Variants in NIN observed in about 807,000 individuals in gnomAD.
NIN encodes the protein ninein, also known as glycogen synthase kinase 3 beta-interacting protein.
NIN carries 137 observed loss-of-function variants against 257.6 expected under a neutral mutation model. That is an observed-to-expected ratio of 0.53 (90% CI 0.46 to 0.61). NIN has a LOEUF of 0.61. Ranked by LOEUF, NIN falls within the 20% of genes least tolerant of loss-of-function variation. NIN has a pLI of 0.00. For missense variants in NIN, 2,439 were observed against 2,501.2 expected, an observed-to-expected ratio of 0.98 and a Z score of 0.53; for synonymous variants, 918 against 919.8, an observed-to-expected ratio of 1.00 and a Z score of 0.04.
At position 50,766,734 on chromosome 14, in the gene NIN, C is replaced by T. The variant is rs2042503613; in HGVS notation, c.1545+46G>A. 5 of 1,340,270 alleles carry T rather than the reference C, an allele frequency of 3.7e-6. No individual in the cohort carries two copies. The African/African-American group carries it at 4.3e-5, about 12-fold the overall frequency. 83.0% of individuals were successfully genotyped at this position (1,340,270 alleles called of 1,614,324 possible). On this transcript the variant is annotated intron_variant, in intron 13 of 30. Transcript: ENST00000530997. ...TGCTCCTGTTCTTTTGAGTAAACTA[C>T]ATAAAGTAGGCTGCCTATCAGGAAA...
Position 50,743,536 on chromosome 14 carries a change from C to G in NIN, c.5188-7G>C. ...AAAGACTTGATTTTGCCAACTGTTT[C>G]AGGAAGGGAAAAAGAGGTAAGAGGG... is the stretch of plus-strand genomic sequence containing the variant. On this transcript the variant is annotated splice_region_variant and splice_polypyrimidine_tract_variant and intron_variant, in intron 23 of 30. Transcript: ENST00000530997. 6.3e-7 allele frequency: 1 copy of G among 1,595,278 alleles called. No individual in the cohort carries two copies. The highest frequency in any genetic ancestry group is 8.6e-7 in the Non-Finnish European group (1 of 1,163,236).
chr14:50,754,554 T>C lies in NIN; in HGVS notation c.4734+9A>G. On this transcript the variant is annotated intron_variant, in intron 20 of 30. Transcript: ENST00000530997. Reference sequence around the variant, plus strand: ...AAAAAACATTGAGAAATATTAAGTATTTCCTTACCTGTTTCTTTAAATTTT... The same window carrying C: ...AAAAAACATTGAGAAATATTAAGTACTTCCTTACCTGTTTCTTTAAATTTT... 11 of 1,591,042 alleles carry C rather than the reference T, an allele frequency of 6.9e-6. No homozygotes were observed. Among genetic ancestry groups the C allele is most frequent in the Non-Finnish European group, 9.4e-6 (11 of 1,170,176 alleles).
chr14:50,796,917 G>C (rs2043865365), intron 4 of NIN, among the ~76,000 whole-genome samples: 1 of 152,162 alleles, frequency 6.6e-6, no homozygotes, highest in Admixed American at 6.5e-5. Context: ...AAAATGCTCA[G>C]CTCTCCTAAA....
At chr14:50,759,645 C>T (rs1205516357) in intron 17 of NIN, among the ~76,000 whole-genome samples, 2 of 152,190 alleles carry the variant, frequency 1.3e-5, no homozygotes, top group African/African-American at 4.8e-5. Context: ...AGGCGCCCGC[C>T]ACCACGCCCG....
intron 12 of NIN, 25 bp from the exon 13 acceptor site, chr14:50,766,915 T>C (rs772443792): frequency 4.0e-6 from 6 of 1,499,830 alleles, no homozygotes; most frequent in Non-Finnish European, 5.6e-6. Flanking sequence ...GGAAATTAAA[T>C]GTGGTACAGA....
At chr14:50,829,175 G>T (rs2045591363) in intron 2 of NIN, among the ~76,000 whole-genome samples, 2 of 152,034 alleles carry the variant, frequency 1.3e-5, no homozygotes, top group Admixed American at 1.3e-4. Context: ...CCTCCCAAAG[G>T]ACACTGACAA....
Position 50,744,316 on chromosome 14 carries a change from A to T in NIN, c.5114T>A (p.Val1705Asp), listed in dbSNP as rs761477240. 29 of 1,614,022 alleles carry T rather than the reference A, an allele frequency of 1.8e-5. No individual in the cohort carries two copies. Among genetic ancestry groups the T allele is most frequent in the Admixed American group, 1.5e-4 (9 of 60,012 alleles). Residue 1705 changes from valine (V) to aspartate (D), a missense_variant, in exon 23 of 31, where the codon GTT becomes GAT. Physicochemically the swap from Val to Asp is radical, Grantham distance 152. Transcript: ENST00000530997. ...CAGCAGTTTTTCGTTGTAGCTTAGA[A>T]CACTAGAGATTTTTTGCTGGAAGTC... ...LSDFQQKISSVLSYNEKLLKE... is the reference protein window; with the variant it reads ...LSDFQQKISSDLSYNEKLLKE...
intron 12 of NIN, among the ~76,000 whole-genome samples, chr14:50,769,499 A>AT (rs369139332): frequency 0.029 from 4,272 of 148,334 alleles, 183 homozygotes; most frequent in African/African-American, 0.093. Context: ...CGTTTCTACC[A>AT]TTTTTTTTTT....
intron 3 of NIN, among the ~76,000 whole-genome samples, chr14:50,810,451 G>A (rs1053446843): frequency 6.6e-6 from 1 of 151,976 alleles, no homozygotes; most frequent in African/African-American, 2.4e-5. Context: ...CAGCTATTTG[G>A]GAGGCTGAAA....
At chr14:50,804,948 C>T (rs905928591) in intron 4 of NIN, among the ~76,000 whole-genome samples, 3 of 152,194 alleles carry the variant, frequency 2.0e-5, no homozygotes, top group Non-Finnish European at 4.4e-5. Context: ...TCCTACTGCT[C>T]GGATCCCAAC....
In NIN at chr14:50,770,407, C is replaced by T. The variant is rs144609230; in HGVS notation, c.1415G>A (p.Arg472His). 8.7e-5 allele frequency: 140 copies of T among 1,614,168 alleles called. 2 individuals carry two copies. The South Asian group carries it at 1.2e-3, about 14-fold the overall frequency. Residue 472 changes from arginine to histidine, a missense_variant, in exon 12 of 31, where the codon CGC becomes CAC. By Grantham distance (29) the Arg-to-His change is conservative. Transcript: ENST00000530997. ...AKTEENYIRD[R>H]LALSLKENSR... The stretch of plus-strand genomic sequence containing the variant: ...GATTACCTTTAAAGAGAGGGCAAGG[C>T]GGTCCCGGATATAGTTCTCTTCTGT...
At chr14:50,728,249 G>C (rs2040511062) in intron 29 of NIN, among the ~76,000 whole-genome samples, 2 of 152,126 alleles carry the variant, frequency 1.3e-5, no homozygotes, top group Admixed American at 1.3e-4. Flanking sequence ...AAGTTTTGTA[G>C]TTCAATTATA....
intron 5 of NIN, 126 bp downstream of exon 5, chr14:50,792,586 A>T (rs1274596470): frequency 1.1e-6 from 1 of 912,154 alleles, no homozygotes; most frequent in African/African-American, 1.7e-5. Flanking sequence ...AAGATTAGCA[A>T]GGAGTTGGTA....
chr14:50,760,443 T>C, intron 16 of NIN, 84 bp from the exon 17 acceptor site: 2 of 1,160,770 alleles, frequency 1.7e-6, no homozygotes, highest in Admixed American at 2.7e-5. Context: ...ATTGCTTTTT[T>C]TTTTTTTTTT....
At chr14:50,761,232 G>A (rs969354468) in intron 16 of NIN, among the ~76,000 whole-genome samples, 2 of 152,210 alleles carry the variant, frequency 1.3e-5, no homozygotes, top group Non-Finnish European at 2.9e-5. Context: ...TCATGCAAGA[G>A]GCAGCATTAA....
chr14:50,738,157 AT>A lies in NIN; in HGVS notation c.5757del (p.Gln1919HisfsTer11). On this transcript the variant is annotated frameshift_variant, in exon 27 of 31. Coordinates refer to ENST00000530997, the MANE Select transcript of NIN (RefSeq NM_020921.4). LOFTEE classifies it high-confidence loss of function. ...KRECDQFQKE[Q>X]SPANRKVSQM... Reference sequence around the variant, plus strand: ...AAACTCACCTTCCTGTTAGCAGGAGATTGTTCTTTCTGAAACTGATCACACT... The same window carrying A: ...AAACTCACCTTCCTGTTAGCAGGAGATGTTCTTTCTGAAACTGATCACACT... 1 of 1,614,084 alleles carries A rather than the reference AT, an allele frequency of 6.2e-7. No homozygotes were observed. Among genetic ancestry groups the A allele is most frequent in the Non-Finnish European group, 8.5e-7 (1 of 1,179,992 alleles).
At chr14:50,739,927 C>G (rs1220452756) in intron 25 of NIN, among the ~76,000 whole-genome samples, 1 of 152,204 alleles carries the variant, frequency 6.6e-6, no homozygotes, top group African/African-American at 2.4e-5. Flanking sequence ...CTTTCATAGG[C>G]TAAACTCTAC....
chr14:50,751,240 G>C (rs2041776406), intron 21 of NIN, among the ~76,000 whole-genome samples: 1 of 152,122 alleles, frequency 6.6e-6, no homozygotes, highest in African/African-American at 2.4e-5. Context: ...GTAACCCTCT[G>C]CATATGAGTT....
chr14:50,811,808 C>T (rs1415175300), intron 3 of NIN, among the ~76,000 whole-genome samples: 4 of 151,932 alleles, frequency 2.6e-5, no homozygotes, highest in African/African-American at 4.8e-5. Flanking sequence ...TCCTGGCTAA[C>T]GTGGTGAAAC....
Sources: allele counts gnomAD v4.1 joint callset (sites outside exome capture counted in the v4.1 genomes callset), GRCh38; gene constraint gnomAD v4.1.1; transcripts MANE v1.5; gene names NCBI Gene and HGNC (gene_info 2026-07-23, HGNC 2026-07-21).